Variants in APBB2 observed in about 807,000 individuals in gnomAD.
The protein encoded by APBB2 is Fe65-like 1.
Under a neutral mutation model 82.5 loss-of-function variants are expected in APBB2, and 38 were observed. That is an observed-to-expected ratio of 0.46 (90% CI 0.36 to 0.60). APBB2 has a LOEUF of 0.60. Among genes scored for constraint, APBB2 ranks in the 20% least tolerant of loss-of-function variants. The probability of loss-of-function intolerance (pLI) is 0.00; values close to 1 mark genes in which losing one functional copy is unlikely to be tolerated. For missense variants in APBB2, 772 were observed against 972.3 expected, an observed-to-expected ratio of 0.79 and a Z score of 2.74; for synonymous variants, 341 against 368.2, an observed-to-expected ratio of 0.93 and a Z score of 0.85.
At chr4:40,975,461 G>C (rs776372015) in intron 6 of APBB2, among the ~76,000 whole-genome samples, 7 of 152,010 alleles carry the variant, frequency 4.6e-5, no homozygotes, top group African/African-American at 1.7e-4. Context: ...CTAATTTTGT[G>C]TTTAATTATT....
chr4:41,138,729 C>A (rs1580344178), intron 2 of APBB2, among the ~76,000 whole-genome samples: 1 of 152,152 alleles, frequency 6.6e-6, no homozygotes, highest in Admixed American at 6.5e-5. Context: ...TCACATCACA[C>A]TCAAGTTTTC....
At chr4:41,009,215 G>A (rs1807626582) in intron 6 of APBB2, among the ~76,000 whole-genome samples, 1 of 140,394 alleles carries the variant, frequency 7.1e-6, no homozygotes, top group African/African-American at 3.3e-5. Flanking sequence ...GGCCACTGAG[G>A]GAACTGTATC....
At chr4:41,151,404 G>A (rs1042219142) in intron 1 of APBB2, among the ~76,000 whole-genome samples, 1 of 152,144 alleles carries the variant, frequency 6.6e-6, no homozygotes, top group Non-Finnish European at 1.5e-5. Context: ...GCATGACTGA[G>A]GAGCTAAATT....
chr4:40,877,799 G>A (rs1767297671), intron 12 of APBB2, among the ~76,000 whole-genome samples: 4 of 152,158 alleles, frequency 2.6e-5, no homozygotes, highest in Admixed American at 2.6e-4. Context: ...AAGGATTTAG[G>A]GATCAGGGAG....
At chr4:40,914,825 G>C (rs1578400161) in intron 10 of APBB2, among the ~76,000 whole-genome samples, 1 of 152,176 alleles carries the variant, frequency 6.6e-6, no homozygotes, top group African/African-American at 2.4e-5. Flanking sequence ...GCATAGGATA[G>C]CAGGGTGGGG....
intron 1 of APBB2, among the ~76,000 whole-genome samples, chr4:41,206,305 C>G (rs1439986426): frequency 6.6e-6 from 1 of 152,202 alleles, no homozygotes; most frequent in Admixed American, 6.5e-5. Context: ...ATTAGGACAG[C>G]CTTCCTTCCC....
intron 12 of APBB2, chr4:40,880,072 G>C (rs1289294920): frequency 3.0e-6 from 3 of 985,256 alleles, no homozygotes; most frequent in Non-Finnish European, 3.6e-6. Context: ...TATGACCCTT[G>C]CATGAAAGGA....
intron 4 of APBB2, among the ~76,000 whole-genome samples, chr4:41,060,779 CA>C (rs147290050): frequency 0.024 from 3,610 of 152,172 alleles, 142 homozygotes; most frequent in African/African-American, 0.082. Flanking sequence ...AGCGGGTTAC[CA>C]AAAGATGGAT....
At chr4:40,916,013 G>T (rs1779743740) in intron 10 of APBB2, among the ~76,000 whole-genome samples, 1 of 152,156 alleles carries the variant, frequency 6.6e-6, no homozygotes, top group African/African-American at 2.4e-5. Flanking sequence ...CCAACACTCA[G>T]GGAAATGGTC....
intron 5 of APBB2, among the ~76,000 whole-genome samples, chr4:41,015,680 A>G (rs1226664854): frequency 6.6e-6 from 1 of 152,188 alleles, no homozygotes; most frequent in Non-Finnish European, 1.5e-5. Context: ...TTTTTATAAC[A>G]GTATGACCAT....
At chr4:41,211,544 G>A (rs539231005) in intron 1 of APBB2, among the ~76,000 whole-genome samples, 32 of 151,902 alleles carry the variant, frequency 2.1e-4, no homozygotes, top group African/African-American at 5.8e-4. Flanking sequence ...GTGCAGTGGC[G>A]CGATCTTGGC....
At chr4:40,917,299 T>G (rs990658005) in intron 10 of APBB2, among the ~76,000 whole-genome samples, 1 of 152,090 alleles carries the variant, frequency 6.6e-6, no homozygotes, top group Non-Finnish European at 1.5e-5. Flanking sequence ...AACTCCAAGA[T>G]TTCTTGTCTT....
intron 10 of APBB2, among the ~76,000 whole-genome samples, chr4:40,915,079 A>G (rs947150338): frequency 6.6e-6 from 1 of 152,204 alleles, no homozygotes; most frequent in Admixed American, 6.5e-5. Flanking sequence ...AATACCTCTC[A>G]AACACTTTAT....
intron 6 of APBB2, among the ~76,000 whole-genome samples, chr4:41,010,454 A>G (rs1808011294): frequency 6.6e-6 from 1 of 152,230 alleles, no homozygotes; most frequent in South Asian, 2.1e-4. Context: ...CCCAACAGCA[A>G]GTAATGTCAG....
chr4:41,098,744 T>G (rs1173296163), intron 3 of APBB2, among the ~76,000 whole-genome samples: 3 of 152,236 alleles, frequency 2.0e-5, no homozygotes, highest in African/African-American at 7.2e-5. Flanking sequence ...AAAGGCAGCT[T>G]ATTTGAAAGG....
At chr4:41,159,907 AAGGAGGAGGAGG>A (rs539873521) in intron 1 of APBB2, among the ~76,000 whole-genome samples, 2 of 35,618 alleles carry the variant, frequency 5.6e-5, no homozygotes, top group African/African-American at 2.7e-4. Flanking sequence ...GAAGAAGGAG[AAGGAGGAGGAGG>A]AGGAGGAGGA....
intron 6 of APBB2, among the ~76,000 whole-genome samples, chr4:40,975,974 CT>C (rs547848506): frequency 6.7e-6 from 1 of 150,216 alleles, no homozygotes; most frequent in Non-Finnish European, 1.5e-5. Context: ...CTTTTTTTTT[CT>C]TTTTTTCCCC....
Position 40,810,141 on chromosome 4 carries a change from T to C in APBB2, c.*5951A>G, listed in dbSNP as rs1744128234. ...TTTTAGAATATTATCTTCTTCAAGA[T>C]GAATACTTAGGTCTACTTCAGCTCT... On this transcript the variant is annotated 3_prime_UTR_variant, in exon 18 of 18. Transcript: ENST00000508593. 6.6e-6 allele frequency: 1 copy of C among 152,260 alleles called. No individual in the cohort carries two copies. The highest frequency in any genetic ancestry group is 1.5e-5 in the Non-Finnish European group (1 of 68,042). The allele number at this position is 152,260 out of a possible 1,614,324, so 9.4% of individuals were successfully genotyped here.
rs1399403479 is a variant in APBB2, at chr4:40,813,193, T to C, written c.*2899A>G. 1 of 152,234 alleles carries C rather than the reference T, an allele frequency of 6.6e-6. No homozygotes were observed. The highest frequency in any genetic ancestry group is 2.4e-5 in the African/African-American group (1 of 41,450). 9.4% of individuals were successfully genotyped at this position (152,234 alleles called of 1,614,324 possible). On this transcript the variant is annotated 3_prime_UTR_variant, in exon 18 of 18. Transcript: ENST00000508593. ...TTACAAAACCACTTTTTAGGCAATG[T>C]ATAGTTCACTGAGATTACTTAGATC...
Sources: allele counts gnomAD v4.1 joint callset (sites outside exome capture counted in the v4.1 genomes callset), GRCh38; gene constraint gnomAD v4.1.1; transcripts MANE v1.5; gene names NCBI Gene and HGNC (gene_info 2026-07-23, HGNC 2026-07-21).